The following SLC20A2 variants were observed in gnomAD, a reference collection of about 807,000 sequenced individuals.
SLC20A2 encodes solute carrier family 20 member 2, also known as sodium-dependent phosphate transporter 2.
In SLC20A2, 30 loss-of-function variants were observed where a neutral mutation model predicts 61.0. The ratio of observed to expected loss-of-function variants is 0.49; its 90% confidence interval spans 0.37 to 0.67. SLC20A2 has a LOEUF of 0.67. Among genes scored for constraint, SLC20A2 ranks in the 30% least tolerant of loss-of-function variants. SLC20A2 has a pLI of 0.00. For missense variants in SLC20A2, 626 were observed against 866.4 expected, an observed-to-expected ratio of 0.72 and a Z score of 3.48; for synonymous variants, 351 against 353.3, an observed-to-expected ratio of 0.99 and a Z score of 0.07.
At chr8:42,479,458 GGTATCTACCTAA>G (rs2131266747) in intron 1 of SLC20A2, among the ~76,000 whole-genome samples, 1 of 151,778 alleles carries the variant, frequency 6.6e-6, no homozygotes, top group East Asian at 1.9e-4. Flanking sequence ...TTTCTGTAAT[GGTATCTACCTAA>G]GTACAGTTAG....
intron 6 of SLC20A2, among the ~76,000 whole-genome samples, chr8:42,443,724 C>A (rs1042277147): frequency 6.6e-6 from 1 of 152,138 alleles, no homozygotes; most frequent in Non-Finnish European, 1.5e-5. Context: ...CATTTCATGT[C>A]CCTGATAAGT....
intron 5 of SLC20A2, among the ~76,000 whole-genome samples, chr8:42,453,696 A>T (rs1267284412): frequency 6.6e-6 from 1 of 152,252 alleles, no homozygotes; most frequent in East Asian, 1.9e-4. Context: ...AAATATTAGC[A>T]AAGTCCTTTT....
At chr8:42,469,825 G>C (rs529080572) in intron 2 of SLC20A2, among the ~76,000 whole-genome samples, 5 of 151,834 alleles carry the variant, frequency 3.3e-5, no homozygotes, top group Non-Finnish European at 7.4e-5. Flanking sequence ...CTACTTAGGA[G>C]GCTGAGGCAG....
chr8:42,481,593 T>C (rs1808555882), intron 1 of SLC20A2, among the ~76,000 whole-genome samples: 1 of 152,112 alleles, frequency 6.6e-6, no homozygotes, highest in African/African-American at 2.4e-5. Flanking sequence ...CAAGATCAGA[T>C]GACATCTTCT....
At chr8:42,485,642 C>CAA (rs941111189) in intron 1 of SLC20A2, among the ~76,000 whole-genome samples, 858 of 27,252 alleles carry the variant, frequency 0.031, 14 homozygotes, top group African/African-American at 0.049. Flanking sequence ...AACTCCGTCT[C>CAA]AAAAAAAAAA....
chr8:42,495,543 C>A (rs1809860866), intron 1 of SLC20A2, among the ~76,000 whole-genome samples: 2 of 151,854 alleles, frequency 1.3e-5, no homozygotes, highest in South Asian at 4.1e-4. Context: ...GTGCATGCAG[C>A]TTCATGTCTG....
At chr8:42,516,024 G>A (rs1271965806) in intron 1 of SLC20A2, among the ~76,000 whole-genome samples, 1 of 152,192 alleles carries the variant, frequency 6.6e-6, no homozygotes, top group Non-Finnish European at 1.5e-5. Flanking sequence ...AGTGGAGACT[G>A]TGCTTCCTGA....
chr8:42,489,156 C>T (rs1331884668), intron 1 of SLC20A2, among the ~76,000 whole-genome samples: 1 of 152,092 alleles, frequency 6.6e-6, no homozygotes, highest in African/African-American at 2.4e-5. Context: ...CCAGGCTGGT[C>T]TCGAACTCCT....
chr8:42,539,062 C>A (rs1812889660), intron 1 of SLC20A2, among the ~76,000 whole-genome samples: 1 of 152,076 alleles, frequency 6.6e-6, no homozygotes, highest in Middle Eastern at 3.2e-3. Context: ...CTTTTTTATT[C>A]TAAGATCCTT....
chr8:42,441,117 G>C (rs1175390036), intron 6 of SLC20A2, among the ~76,000 whole-genome samples: 1 of 149,780 alleles, frequency 6.7e-6, no homozygotes, highest in African/African-American at 2.5e-5. Flanking sequence ...CTTCTTTGGT[G>C]AAGTGTCTAT....
chr8:42,470,544 G>A (rs1807550834), intron 2 of SLC20A2, among the ~76,000 whole-genome samples: 1 of 152,138 alleles, frequency 6.6e-6, no homozygotes, highest in Non-Finnish European at 1.5e-5. Context: ...GCTCCCTGGT[G>A]TGTGTTACTG....
At chr8:42,471,086 C>T in intron 2 of SLC20A2, 2 of 447,708 alleles carry the variant, frequency 4.5e-6, no homozygotes, top group Non-Finnish European at 9.0e-6. Flanking sequence ...CAGGACTCTT[C>T]CTACAAGAGG....
At chr8:42,424,079 C>CA (rs1194771796) in intron 10 of SLC20A2, among the ~76,000 whole-genome samples, 2 of 152,180 alleles carry the variant, frequency 1.3e-5, no homozygotes, top group Non-Finnish European at 2.9e-5. Context: ...GGAATAATCT[C>CA]AATCCACCCA....
At chr8:42,418,094 G>A in intron 10 of SLC20A2, 127 bp from the exon 11 acceptor site, 2 of 675,558 alleles carry the variant, frequency 3.0e-6, no homozygotes, top group Non-Finnish European at 4.8e-6. Flanking sequence ...ATTTGTTAAA[G>A]CTTTTAAAAT....
chr8:42,525,581 CAA>C (rs34356863), intron 1 of SLC20A2, among the ~76,000 whole-genome samples: 1,916 of 68,740 alleles, frequency 0.028, 27 homozygotes, highest in South Asian at 0.087. Context: ...GACTCTGTCT[CAA>C]AAAAAAAAAA....
intron 1 of SLC20A2, among the ~76,000 whole-genome samples, chr8:42,495,895 G>A (rs540258558): frequency 3.3e-5 from 5 of 152,106 alleles, no homozygotes; most frequent in South Asian, 2.1e-4. Flanking sequence ...GATTACAGGC[G>A]TGCGCCACCA....
At chr8:42,491,672 A>G (rs908192118) in intron 1 of SLC20A2, among the ~76,000 whole-genome samples, 1 of 149,034 alleles carries the variant, frequency 6.7e-6, no homozygotes, top group African/African-American at 2.4e-5. Context: ...CTCCATCTCA[A>G]AAAAAAAAAA....
intron 6 of SLC20A2, among the ~76,000 whole-genome samples, chr8:42,439,941 C>T (rs1161167074): frequency 4.0e-5 from 6 of 151,774 alleles, no homozygotes; most frequent in African/African-American, 1.2e-4. Context: ...AAAAATTAGC[C>T]GGGTGTGGTG....
chr8:42,527,722 C>T (rs538340652), intron 1 of SLC20A2, among the ~76,000 whole-genome samples: 5 of 151,968 alleles, frequency 3.3e-5, no homozygotes, highest in South Asian at 2.1e-4. Flanking sequence ...GAGCCGAGAT[C>T]GCGCCACTGC....
Sources: gnomAD v4.1 joint callset for allele counts (sites outside exome capture counted in the v4.1 genomes callset) on GRCh38, gnomAD v4.1.1 for gene constraint, MANE v1.5 for transcripts, NCBI Gene and HGNC (gene_info 2026-07-23, HGNC 2026-07-21) for gene names.